OSBPL3: variants seen among roughly 807,000 people sequenced by gnomAD.
The protein encoded by OSBPL3 is oxysterol-binding protein-related protein 3.
Under a neutral mutation model 120.1 loss-of-function variants are expected in OSBPL3, and 65 were observed. That is an observed-to-expected ratio of 0.54 (90% CI 0.44 to 0.67). The LOEUF (loss-of-function observed/expected upper bound fraction) is 0.67. Among genes scored for constraint, OSBPL3 ranks in the 30% least tolerant of loss-of-function variants. OSBPL3 has a pLI of 0.00. For missense variants in OSBPL3, 1,004 were observed against 1,082.1 expected (o/e 0.93, Z 1.01); for synonymous variants, 416 against 402.6 (o/e 1.03, Z -0.40).
rs573022251 is a variant in OSBPL3, at chr7:24,803,660, A to T, written c.2567+655T>A. ...GTGGCACGCGCCTGTAGTCCCAGCT[A>T]CTTAGGAGGCTGAGGCAGGAGAATC... On this transcript the variant is annotated intron_variant, in intron 22 of 22. Transcript: ENST00000313367. This position sits in a 1 kb window ranked among gnomAD's most constrained non-coding sequence, Gnocchi z 4.2. 1.9e-3 allele frequency among the ~76,000 whole-genome samples: 286 copies of T among 152,192 alleles called. No homozygotes were observed. Among genetic ancestry groups the T allele is most frequent in the African/African-American group, 6.7e-3 (278 of 41,506 alleles).
chr7:24,907,587 C>G (rs2128404934), intron 1 of OSBPL3, among the ~76,000 whole-genome samples: 1 of 152,330 alleles, frequency 6.6e-6, no homozygotes, highest in East Asian at 1.9e-4. Context: ...CTCCCTTTCT[C>G]CTAGTGAGTC....
At position 24,862,833 on chromosome 7, in the gene OSBPL3, C is replaced by G. The variant is rs545144007; in HGVS notation, c.870+367G>C. Among the ~76,000 whole-genome samples, 2 of 152,222 alleles carry G rather than the reference C, an allele frequency of 1.3e-5. No individual in the cohort carries two copies. The highest frequency in any genetic ancestry group is 4.8e-5 in the African/African-American group (2 of 41,542). On this transcript the variant is annotated intron_variant, in intron 9 of 22. Transcript: ENST00000313367. This position sits in a 1 kb window ranked among gnomAD's most constrained non-coding sequence, Gnocchi z 4.4. The stretch of plus-strand genomic sequence containing the variant: ...ATCCATGGAGCATCAGCGGAAGACA[C>G]AGGTCACAGCACACAGCAACTGCAG...
rs1812047080 is a variant in OSBPL3, at chr7:24,933,574, T to C, written c.-149-40953A>G. Among the ~76,000 whole-genome samples, 1 of 152,200 alleles carries C rather than the reference T, an allele frequency of 6.6e-6. No homozygotes were observed. Among genetic ancestry groups the C allele is most frequent in the African/African-American group, 2.4e-5 (1 of 41,462 alleles). On this transcript the variant is annotated intron_variant, in intron 1 of 22. Transcript: ENST00000313367. The surrounding 1 kb of genome is among the most constrained non-coding windows in gnomAD (Gnocchi z 5.1). The stretch of plus-strand genomic sequence containing the variant: ...GATTCACCCTACCATGCAAAACACT[T>C]AAATCATTAATATTTCCGATTATGC...
intron 1 of OSBPL3, among the ~76,000 whole-genome samples, chr7:24,950,357 C>T (rs576584221): frequency 1.3e-5 from 2 of 152,222 alleles, no homozygotes; most frequent in African/African-American, 4.8e-5. Context: ...ACTTGAAATC[C>T]AAGAAATATA....
At chr7:24,978,546 C>T (rs1307769856) in intron 1 of OSBPL3, among the ~76,000 whole-genome samples, 1 of 152,178 alleles carries the variant, frequency 6.6e-6, no homozygotes, top group Non-Finnish European at 1.5e-5. Context: ...GGTCATTTAG[C>T]TTGGATGCAT....
rs1815568222 is a variant in OSBPL3 at position 24,960,260 on chromosome 7, C to T, written c.-150+19626G>A. ...AGAAATGAAACACAGATCCTTCCACCTCATTAGTCTTCTAAAAATATTCTC... is the reference window on the plus strand; with the variant it reads ...AGAAATGAAACACAGATCCTTCCACTTCATTAGTCTTCTAAAAATATTCTC... On this transcript the variant is annotated intron_variant, in intron 1 of 22. Transcript: ENST00000313367. Among the ~76,000 whole-genome samples the T allele has an allele frequency of 3.3e-5, 5 of 152,124 alleles. No homozygotes were observed. The South Asian group carries it at 1.0e-3, about 32-fold the overall frequency.
rs1475840115 is a variant in OSBPL3, at chr7:24,891,929, G to A, written c.96+448C>T. 6.6e-6 allele frequency among the ~76,000 whole-genome samples: 1 copy of A among 152,134 alleles called. No homozygotes were observed. Among genetic ancestry groups the A allele is most frequent in the African/African-American group, 2.4e-5 (1 of 41,424 alleles). ...AGGTTTGATGAAGGGAAGAAAGTTGGGGTGGATATTATAATTACCAGAAAA... is the reference window on the plus strand; with the variant it reads ...AGGTTTGATGAAGGGAAGAAAGTTGAGGTGGATATTATAATTACCAGAAAA... On this transcript the variant is annotated intron_variant, in intron 2 of 22. Transcript: ENST00000313367. This position sits in a 1 kb window ranked among gnomAD's most constrained non-coding sequence, Gnocchi z 4.1.
At chr7:24,950,739 A>G (rs1425878526) in intron 1 of OSBPL3, among the ~76,000 whole-genome samples, 1 of 152,224 alleles carries the variant, frequency 6.6e-6, no homozygotes, top group Non-Finnish European at 1.5e-5. Context: ...AAAACAAAAC[A>G]AAACAAAAAC....
At chr7:24,914,068 G>C (rs961735383) in intron 1 of OSBPL3, among the ~76,000 whole-genome samples, 1 of 151,942 alleles carries the variant, frequency 6.6e-6, no homozygotes, top group African/African-American at 2.4e-5. Flanking sequence ...ACCACAAATG[G>C]GCTTCCCTGA....
At chr7:24,814,681 C>T (rs774063790) in intron 19 of OSBPL3, among the ~76,000 whole-genome samples, 16 of 152,312 alleles carry the variant, frequency 1.1e-4, no homozygotes, top group Non-Finnish European at 2.1e-4. Context: ...CACCATTCTG[C>T]TTTCTTTCTC....
intron 1 of OSBPL3, among the ~76,000 whole-genome samples, chr7:24,919,876 A>C (rs954375926): frequency 6.6e-6 from 1 of 151,968 alleles, no homozygotes. Flanking sequence ...CCTCCAAAGA[A>C]GCCACAAAAA....
chr7:24,906,727 T>C (rs1584577085), intron 1 of OSBPL3: 1 of 152,354 alleles, frequency 6.6e-6, no homozygotes, highest in African/African-American at 2.4e-5. Context: ...GGAGTGCTGA[T>C]ACCTCTTAAC....
At chr7:24,828,612 A>G (rs1795992401) in intron 16 of OSBPL3, among the ~76,000 whole-genome samples, 1 of 127,504 alleles carries the variant, frequency 7.8e-6, no homozygotes, top group African/African-American at 4.2e-5. Flanking sequence ...GTCTGAAAAA[A>G]AAAAAAAAAG....
In OSBPL3 at chr7:24,964,282, G is replaced by C. The variant is rs7781511; in HGVS notation, c.-150+15604C>G. Among the ~76,000 whole-genome samples the C allele has an allele frequency of 6.6e-6, 1 of 152,132 alleles. No homozygotes were observed. Among genetic ancestry groups the C allele is most frequent in the Admixed American group, 6.5e-5 (1 of 15,274 alleles). Reference sequence around the variant, plus strand: ...TCCAAAGAGTATAGTATGGAAAGGCGAAGAAAAAATAACCATATGGTAGAG... The same window carrying C: ...TCCAAAGAGTATAGTATGGAAAGGCCAAGAAAAAATAACCATATGGTAGAG... On this transcript the variant is annotated intron_variant, in intron 1 of 22. Coordinates refer to ENST00000313367, the MANE Select transcript of OSBPL3 (RefSeq NM_015550.4). This position sits in a 1 kb window ranked among gnomAD's most constrained non-coding sequence, Gnocchi z 4.2.
intron 12 of OSBPL3, among the ~76,000 whole-genome samples, chr7:24,845,406 A>AAAAAAAAAAAAAAAAAAAAAT (rs1798303381): frequency 6.8e-6 from 1 of 146,736 alleles, no homozygotes; most frequent in Admixed American, 6.8e-5. Flanking sequence ...AAAAAAAAAA[A>AAAAAAAAAAAAAAAAAAAAAT]AAAAAAAAGA....
chr7:24,909,177 T>A (rs1381062167), intron 1 of OSBPL3, among the ~76,000 whole-genome samples: 1 of 152,250 alleles, frequency 6.6e-6, no homozygotes, highest in Admixed American at 6.5e-5. Flanking sequence ...TTAGCATGCA[T>A]GCCTTGGCTT....
Position 24,871,262 on chromosome 7 carries a change from G to A in OSBPL3, c.268-417C>T, listed in dbSNP as rs1802067762. ...AAGAAGTGAGAGCAGAAGGCTGAGA[G>A]AGGACAGGAGAGGAAGAAGGGAGAA... On this transcript the variant is annotated intron_variant, in intron 4 of 22. Transcript: ENST00000313367. This position sits in a 1 kb window ranked among gnomAD's most constrained non-coding sequence, Gnocchi z 4.8. Among the ~76,000 whole-genome samples the A allele has an allele frequency of 6.6e-6, 1 of 152,188 alleles. No individual in the cohort carries two copies. The highest frequency in any genetic ancestry group is 2.4e-5 in the African/African-American group (1 of 41,440).
chr7:24,839,991 C>CAAAAAAAAAAAAAAAAAA (rs71675250), intron 14 of OSBPL3, among the ~76,000 whole-genome samples: 10 of 53,302 alleles, frequency 1.9e-4, no homozygotes, highest in East Asian at 5.4e-4. Flanking sequence ...CTCCATCTCA[C>CAAAAAAAAAAAAAAAAAA]AAAAAAAAAA....
intron 1 of OSBPL3, among the ~76,000 whole-genome samples, chr7:24,928,417 T>G (rs1811365886): frequency 6.6e-6 from 1 of 152,132 alleles, no homozygotes; most frequent in Non-Finnish European, 1.5e-5. Context: ...GGTCTCGATC[T>G]CCTGACCTCG....
Sources: allele counts gnomAD v4.1 joint callset (sites outside exome capture counted in the v4.1 genomes callset), GRCh38; gene constraint gnomAD v4.1.1; non-coding constraint Gnocchi (gnomAD v3.1); transcripts MANE v1.5; gene names NCBI Gene and HGNC (gene_info 2026-07-23, HGNC 2026-07-21).